The following CFAP61 variants were observed in gnomAD, a reference collection of about 807,000 sequenced individuals.
CFAP61 encodes cilia and flagella associated protein 61.
A neutral mutation model predicts 135.6 loss-of-function variants in CFAP61; 107 were observed. The ratio of observed to expected loss-of-function variants is 0.79; its 90% CI spans 0.67 to 0.93. The LOEUF (loss-of-function observed/expected upper bound fraction) is 0.93. Among genes scored for constraint, CFAP61 ranks in the 40% least tolerant of loss-of-function variants. The probability of loss-of-function intolerance (pLI) is 0.00; values close to 1 mark genes in which losing one functional copy is unlikely to be tolerated. For synonymous variants in CFAP61, 575 were observed against 578.5 expected, an observed-to-expected ratio of 0.99 and a Z score of 0.09; for missense variants, 1,507 against 1,556.2, an observed-to-expected ratio of 0.97 and a Z score of 0.53.
intron 22 of CFAP61, among the ~76,000 whole-genome samples, chr20:20,285,025 CT>C (rs2054480529): frequency 6.6e-6 from 1 of 152,104 alleles, no homozygotes; most frequent in Admixed American, 6.5e-5. Flanking sequence ...ATATATGTTG[CT>C]TTCATTCTTA....
At chr20:20,106,296 A>AT (rs1464600865) in intron 8 of CFAP61, among the ~76,000 whole-genome samples, 6 of 152,018 alleles carry the variant, frequency 3.9e-5, no homozygotes, top group Non-Finnish European at 8.8e-5. Context: ...CCTTTTGGTT[A>AT]TTTCATAAAA....
At chr20:20,171,734 G>T in intron 13 of CFAP61, 1 of 664,876 alleles carries the variant, frequency 1.5e-6, no homozygotes, top group East Asian at 2.9e-5. Context: ...TGCTAACTGT[G>T]TTTCAATATA....
intron 6 of CFAP61, among the ~76,000 whole-genome samples, chr20:20,080,168 ATTC>A (rs1434942080): frequency 6.6e-6 from 1 of 152,288 alleles, no homozygotes; most frequent in South Asian, 2.1e-4. Context: ...AGTAAAAGTT[ATTC>A]TTTCATTTTT....
chr20:20,152,933 G>A (rs2052578786), intron 9 of CFAP61, among the ~76,000 whole-genome samples: 1 of 152,048 alleles, frequency 6.6e-6, no homozygotes. Flanking sequence ...CTTTTCATCA[G>A]CACATGGAAC....
intron 17 of CFAP61, among the ~76,000 whole-genome samples, chr20:20,226,551 G>A (rs567191495): frequency 2.0e-5 from 3 of 152,322 alleles, no homozygotes; most frequent in East Asian, 3.9e-4. Context: ...GAGTCCAAAG[G>A]TAGTATGGGT....
Position 20,288,745 on chromosome 20 carries a change from G to A in CFAP61, c.2933G>A (p.Gly978Asp), listed in dbSNP as rs530380570. Residue 978 changes from glycine to aspartate, a missense_variant, in exon 23 of 27, where the codon GGC (glycine) becomes GAC (aspartate). By Grantham distance (94) the Gly-to-Asp change is moderately conservative (BLOSUM62 -1). Coordinates refer to ENST00000245957, the MANE Select transcript of CFAP61 (RefSeq NM_015585.4). ...AACGACATAGCCATCAGAGCTGCTG[G>A]CTCCCTCACCAAATTCTCCAATAGA... ...HTNDIAIRAA[G>D]SLTKFSNRYY... is the part of the protein sequence containing the mutation. The A allele has an allele frequency of 1.9e-6, 3 of 1,614,146 alleles. No individual in the cohort carries two copies. Among genetic ancestry groups the A allele is most frequent in the Non-Finnish European group, 2.5e-6 (3 of 1,180,018 alleles).
At chr20:20,258,353 C>T (rs976637108) in intron 20 of CFAP61, 1 of 152,112 alleles carries the variant, frequency 6.6e-6, no homozygotes, top group Admixed American at 6.5e-5. Flanking sequence ...GAACTTTTTA[C>T]CTGCCGAACA....
chr20:20,067,439 C>T (rs1481182457), intron 2 of CFAP61, among the ~76,000 whole-genome samples: 2 of 151,388 alleles, frequency 1.3e-5, no homozygotes, highest in Admixed American at 6.6e-5. Flanking sequence ...TAAAAGAGAT[C>T]GAGACCATCC....
Position 20,110,580 on chromosome 20 carries a change from C to T in CFAP61, c.859+11766C>T, listed in dbSNP as rs144392617. Among the ~76,000 whole-genome samples the T allele has an allele frequency of 6.0e-4, 92 of 152,278 alleles. 1 individual carries two copies. Among genetic ancestry groups the T allele is most frequent in the African/African-American group, 2.1e-3 (89 of 41,548 alleles). The stretch of plus-strand genomic sequence containing the variant: ...AGACTTTTAAACATTGGGTTTGAAG[C>T]GTTTCTAGACAGGGGAGTGAGCATG... On this transcript the variant is annotated intron_variant, in intron 8 of 26. Coordinates refer to ENST00000245957, the MANE Select transcript of CFAP61 (RefSeq NM_015585.4).
intron 26 of CFAP61, among the ~76,000 whole-genome samples, chr20:20,342,601 C>T (rs2058486000): frequency 2.0e-5 from 3 of 152,200 alleles, no homozygotes; most frequent in Admixed American, 2.0e-4. Context: ...CAGCCAAGTG[C>T]CGGGGCCTGG....
chr20:20,107,332 G>A (rs897446733), intron 8 of CFAP61, among the ~76,000 whole-genome samples: 6 of 152,158 alleles, frequency 3.9e-5, no homozygotes, highest in Non-Finnish European at 8.8e-5. Context: ...ATTTTGCTTG[G>A]ACTTTCGGTA....
chr20:20,211,765 T>C (rs1423415832), intron 17 of CFAP61, among the ~76,000 whole-genome samples: 1 of 152,208 alleles, frequency 6.6e-6, no homozygotes, highest in Non-Finnish European at 1.5e-5. Flanking sequence ...ATTATCACCA[T>C]GGTAGTCACT....
intron 8 of CFAP61, among the ~76,000 whole-genome samples, chr20:20,111,822 A>G (rs1359789748): frequency 2.6e-5 from 4 of 152,222 alleles, no homozygotes; most frequent in Non-Finnish European, 5.9e-5. Flanking sequence ...AAACAAAGCC[A>G]TAATTTTATT....
intron 3 of CFAP61, chr20:20,073,816 A>T (rs1317275549): frequency 6.5e-6 from 1 of 153,222 alleles, no homozygotes; most frequent in Non-Finnish European, 1.5e-5. Flanking sequence ...TGAACAAAAC[A>T]AGCCAATGGA....
rs1026290530 is a variant in CFAP61, at chr20:20,208,964, C to G, written c.1932+9062C>G. Among the ~76,000 whole-genome samples the G allele has an allele frequency of 2.0e-5, 3 of 152,298 alleles. No individual in the cohort carries two copies. The South Asian group carries it at 6.2e-4, about 32-fold the overall frequency. Reference sequence around the variant, plus strand: ...GTGGGGGGGCATGGGACTCACAGCACGTCAACAGTTCTCCTGGAAGAAATC... The same window carrying G: ...GTGGGGGGGCATGGGACTCACAGCAGGTCAACAGTTCTCCTGGAAGAAATC... On this transcript the variant is annotated intron_variant, in intron 17 of 26. Transcript: ENST00000245957.
At chr20:20,233,873 C>T (rs905367559) in intron 18 of CFAP61, among the ~76,000 whole-genome samples, 7 of 152,080 alleles carry the variant, frequency 4.6e-5, no homozygotes, top group Admixed American at 3.9e-4. Flanking sequence ...GCCTTTTCGA[C>T]GGGGGAAGAT....
At chr20:20,285,285 T>TG (rs1334087344) in intron 22 of CFAP61, among the ~76,000 whole-genome samples, 5 of 152,006 alleles carry the variant, frequency 3.3e-5, no homozygotes, top group Non-Finnish European at 5.9e-5. Flanking sequence ...GGTTTGTTTT[T>TG]TTTGTTTTTA....
rs199697827 is a variant in CFAP61 at position 20,288,942 on chromosome 20, C to T, written c.3124+6C>T. ...CAAGGGAGCCAAGATTCAAGGTATA[C>T]GAGTAGGCTTCCTTCTCCTTGATGA... On this transcript the variant is annotated splice_donor_region_variant and intron_variant, in intron 23 of 26. Transcript: ENST00000245957. 7.1e-5 allele frequency: 114 copies of T among 1,597,118 alleles called. No homozygotes were observed. The highest frequency in any genetic ancestry group is 8.4e-5 in the Non-Finnish European group (98 of 1,166,560).
chr20:20,060,993 A>C (rs965856741), intron 2 of CFAP61, among the ~76,000 whole-genome samples: 1 of 152,206 alleles, frequency 6.6e-6, no homozygotes, highest in African/African-American at 2.4e-5. Context: ...CCGTGCAAAA[A>C]CTGCTTAGTT....
Sources: allele counts gnomAD v4.1 joint callset (sites outside exome capture counted in the v4.1 genomes callset), GRCh38; gene constraint gnomAD v4.1.1; transcripts MANE v1.5; gene names NCBI Gene and HGNC (gene_info 2026-07-23, HGNC 2026-07-21).